The following DOCK3 variants were observed in gnomAD, a reference collection of about 807,000 sequenced individuals.
DOCK3 encodes the protein dedicator of cytokinesis 3.
Under a neutral mutation model 265.6 loss-of-function variants are expected in DOCK3, and 60 were observed. The ratio of observed to expected loss-of-function variants is 0.23; its 90% CI spans 0.18 to 0.28. The LOEUF (loss-of-function observed/expected upper bound fraction) is 0.28, where lower values mean the gene tolerates loss of function less well. Ranked by LOEUF, DOCK3 falls within the 10% of genes least tolerant of loss-of-function variation. The pLI is 1.00. For synonymous variants in DOCK3, 881 were observed against 938.0 expected (o/e 0.94, Z 1.11); for missense variants, 1,981 against 2,594.3 (o/e 0.76, Z 5.14).
intron 15 of DOCK3, 30 bp from the exon 16 acceptor site, chr3:51,227,253 A>G (rs1333524132): frequency 1.2e-6 from 2 of 1,608,504 alleles, no homozygotes; most frequent in Admixed American, 1.7e-5. Flanking sequence ...TACCAGGAAG[A>G]TGACATCTTA....
intron 1 of DOCK3, among the ~76,000 whole-genome samples, chr3:50,680,772 G>A (rs985366633): frequency 6.6e-6 from 1 of 151,686 alleles, no homozygotes; most frequent in Non-Finnish European, 1.5e-5. Flanking sequence ...GGGGAGTGGC[G>A]GGTTTACAGG....
rs114926915 is a variant in DOCK3 at position 50,855,274 on chromosome 3, T to C, written c.162+13559T>C. Among the ~76,000 whole-genome samples the C allele has an allele frequency of 7.6e-3, 1,159 of 152,344 alleles. 18 individuals carry two copies. The highest frequency in any genetic ancestry group is 0.027 in the African/African-American group (1,115 of 41,578). ...TGAATTAGCAATGAATGTTTTTCCA[T>C]TTGTTTGTGTCATCTATGATTACTT... On this transcript the variant is annotated intron_variant, in intron 3 of 52. Coordinates refer to ENST00000266037, the MANE Select transcript of DOCK3 (RefSeq NM_004947.5).
intron 21 of DOCK3, among the ~76,000 whole-genome samples, chr3:51,239,016 G>A (rs532679482): frequency 1.1e-4 from 16 of 152,080 alleles, no homozygotes; most frequent in East Asian, 9.7e-4. Flanking sequence ...CTGTTTTTAC[G>A]TCTTTGAGAA....
intron 3 of DOCK3, among the ~76,000 whole-genome samples, chr3:50,872,253 A>T (rs1413315432): frequency 6.6e-6 from 1 of 152,048 alleles, no homozygotes; most frequent in Admixed American, 6.6e-5. Context: ...TTTAGGGGGG[A>T]CCCCAAGTCT....
intron 1 of DOCK3, among the ~76,000 whole-genome samples, chr3:50,755,173 G>T (rs1400692079): frequency 6.6e-6 from 1 of 152,192 alleles, no homozygotes; most frequent in East Asian, 1.9e-4. Flanking sequence ...TTCAGCTTCA[G>T]TTTCTCACAG....
At chr3:50,978,118 T>G (rs2077538558) in intron 5 of DOCK3, among the ~76,000 whole-genome samples, 1 of 151,944 alleles carries the variant, frequency 6.6e-6, no homozygotes, top group Admixed American at 6.6e-5. Flanking sequence ...AGTAATTTGA[T>G]CGTCTGAAGC....
At chr3:50,889,930 A>G in intron 3 of DOCK3, 96 bp from the exon 4 acceptor site, 2 of 972,252 alleles carry the variant, frequency 2.1e-6, no homozygotes, top group South Asian at 2.5e-5. Flanking sequence ...GAGATCTACT[A>G]TGTTTCTGTG....
At chr3:51,089,745 TA>T (rs2082565365) in intron 8 of DOCK3, among the ~76,000 whole-genome samples, 1 of 150,684 alleles carries the variant, frequency 6.6e-6, no homozygotes, top group South Asian at 2.1e-4. Context: ...CTACTAAAAA[TA>T]AAAAAATTAG....
chr3:50,815,619 A>ATT lies in DOCK3; in HGVS notation c.122-26044_122-26043dup, dbSNP rs34790456. Among the ~76,000 whole-genome samples, 30 of 146,522 alleles carry ATT rather than the reference A, an allele frequency of 2.0e-4. 1 individual carries two copies. Among genetic ancestry groups the ATT allele is most frequent in the Admixed American group, 6.8e-4 (10 of 14,698 alleles). On this transcript the variant is annotated intron_variant, in intron 2 of 52. Coordinates refer to ENST00000266037, the MANE Select transcript of DOCK3 (RefSeq NM_004947.5). The stretch of plus-strand genomic sequence containing the variant: ...TAAGAGAAAAATGTCACGGAAGGCA[A>ATT]TTTTTTTTTTTTTGAGTGTTTGAAT...
intron 2 of DOCK3, among the ~76,000 whole-genome samples, chr3:50,815,667 C>T (rs920886926): frequency 1.3e-5 from 2 of 151,394 alleles, no homozygotes; most frequent in East Asian, 1.9e-4. Context: ...CTTTAGTTTG[C>T]TCTCATGCTT....
intron 1 of DOCK3, among the ~76,000 whole-genome samples, chr3:50,750,803 C>T (rs2039752147): frequency 1.3e-5 from 2 of 152,146 alleles, no homozygotes; most frequent in African/African-American, 4.8e-5. Flanking sequence ...GTGTGTTACT[C>T]CACCATCCAG....
At position 51,374,416 on chromosome 3, in the gene DOCK3, A is replaced by G; in HGVS notation, c.5294-53A>G. On this transcript the variant is annotated intron_variant, in intron 49 of 52. Transcript: ENST00000266037. This position sits in a 1 kb window ranked among gnomAD's most constrained non-coding sequence, Gnocchi z 4.8. ...AGTCCTGAGGATGCTTGACTGCTGGACCCTCCATCTGTGGCTTGTCATCTG... is the reference window on the plus strand; with the variant it reads ...AGTCCTGAGGATGCTTGACTGCTGGGCCCTCCATCTGTGGCTTGTCATCTG... The G allele has an allele frequency of 6.5e-7, 1 of 1,543,400 alleles. No homozygotes were observed. Among genetic ancestry groups the G allele is most frequent in the Non-Finnish European group, 8.8e-7 (1 of 1,130,352 alleles).
intron 5 of DOCK3, among the ~76,000 whole-genome samples, chr3:51,049,046 G>T (rs774069209): frequency 6.6e-6 from 1 of 152,186 alleles, no homozygotes; most frequent in African/African-American, 2.4e-5. Flanking sequence ...GTTACTGTAG[G>T]CTAGGCGCTG....
chr3:51,308,552 C>T (rs999674731), intron 27 of DOCK3, among the ~76,000 whole-genome samples: 2 of 151,946 alleles, frequency 1.3e-5, no homozygotes, highest in Non-Finnish European at 2.9e-5. Context: ...CATAGATCAA[C>T]AGGATCCCAA....
intron 5 of DOCK3, among the ~76,000 whole-genome samples, chr3:51,014,017 G>T (rs1018552329): frequency 6.6e-6 from 1 of 152,166 alleles, no homozygotes; most frequent in African/African-American, 2.4e-5. Context: ...TAAGACCATT[G>T]GACAAGTGCA....
chr3:50,869,902 G>A (rs1345969148), intron 3 of DOCK3, among the ~76,000 whole-genome samples: 11 of 152,056 alleles, frequency 7.2e-5, no homozygotes, highest in Admixed American at 7.2e-4. Context: ...AGAGCATGTT[G>A]TTTTATCTGC....
chr3:50,684,099 T>C (rs2034613804), intron 1 of DOCK3, among the ~76,000 whole-genome samples: 1 of 152,104 alleles, frequency 6.6e-6, no homozygotes. Flanking sequence ...CTTTCTCTGC[T>C]TGGGGAATGT....
intron 21 of DOCK3, among the ~76,000 whole-genome samples, chr3:51,238,026 CATA>C (rs2078425094): frequency 1.3e-5 from 2 of 150,000 alleles, no homozygotes; most frequent in Admixed American, 6.7e-5. Flanking sequence ...TTTCACTCAG[CATA>C]ATGTCTTCAA....
At chr3:51,286,416 A>G (rs759163999) in intron 27 of DOCK3, among the ~76,000 whole-genome samples, 1 of 152,250 alleles carries the variant, frequency 6.6e-6, no homozygotes, top group African/African-American at 2.4e-5. Context: ...TTACAGATTC[A>G]TTGCTATTCC....
Sources: gnomAD v4.1 joint callset for allele counts (sites outside exome capture counted in the v4.1 genomes callset) on GRCh38, gnomAD v4.1.1 for gene constraint, Gnocchi (gnomAD v3.1) non-coding constraint, MANE v1.5 for transcripts, NCBI Gene and HGNC (gene_info 2026-07-23, HGNC 2026-07-21) for gene names.